Variants in TSBP1 observed in about 807,000 individuals in gnomAD.
The protein encoded by TSBP1 is testis expressed basic protein 1.
A neutral mutation model predicts 68.8 loss-of-function variants in TSBP1; 56 were observed. The observed-to-expected ratio is 0.81, with a 90% confidence interval of 0.66 to 1.02. The LOEUF is 1.02. Among genes scored for constraint, TSBP1 ranks in the 50% least tolerant of loss-of-function variants. The pLI is 0.00. For missense variants in TSBP1, 502 were observed against 641.2 expected (o/e 0.78, Z 2.34); for synonymous variants, 171 against 208.7 (o/e 0.82, Z 1.56).
chr6:32,360,396 G>A (rs1478282927), intron 6 of TSBP1, among the ~76,000 whole-genome samples: 1 of 151,846 alleles, frequency 6.6e-6, no homozygotes, highest in Non-Finnish European at 1.5e-5. Flanking sequence ...GTGTGTGTGT[G>A]TGTGTATGTG....
rs1183371755 is a variant in TSBP1, at chr6:32,361,776, A to T, written c.217+4391T>A. 1.3e-5 allele frequency among the ~76,000 whole-genome samples: 2 copies of T among 151,994 alleles called. No individual in the cohort carries two copies. Among genetic ancestry groups the T allele is most frequent in the East Asian group, 3.9e-4 (2 of 5,178 alleles). ...TTGTTTCAGCTGTATTTTGAGTTGT[A>T]TCTTGCTTTTGAGTTGTATGAGTTC... On this transcript the variant is annotated intron_variant, in intron 6 of 22. Coordinates refer to ENST00000612031, the Ensembl canonical transcript of TSBP1. The surrounding 1 kb of genome is among the most constrained non-coding windows in gnomAD (Gnocchi z 4.3).
At chr6:32,305,038 C>G (rs148236499) in intron 19 of TSBP1, among the ~76,000 whole-genome samples, 6 of 152,186 alleles carry the variant, frequency 3.9e-5, no homozygotes, top group Admixed American at 2.0e-4. Context: ...ACTGTTTCAG[C>G]ACTGACTGAG....
intron 2 of TSBP1, among the ~76,000 whole-genome samples, chr6:32,369,373 A>ATTTTTGTTTTTTTTTTTTTTT (rs1774130609): frequency 7.9e-6 from 1 of 127,018 alleles, no homozygotes; most frequent in Non-Finnish European, 1.6e-5. Context: ...AAACTCTGTG[A>ATTTTTGTTTTTTTTTTTTTTT]TTTTTTTTTT....
rs1181638933 is a variant in TSBP1, at chr6:32,333,801, A to G, written c.472+1636T>C. On this transcript the variant is annotated intron_variant, in intron 14 of 22. Transcript: ENST00000612031. The surrounding 1 kb of genome is among the most constrained non-coding windows in gnomAD (Gnocchi z 4.2). ...TGGGCATTGCAGTTAATAATCCTTC[A>G]CTTCAGTGTCACTCAGAATGAGAAA... Among the ~76,000 whole-genome samples, 1 of 151,294 alleles carries G rather than the reference A, an allele frequency of 6.6e-6. No homozygotes were observed. The highest frequency in any genetic ancestry group is 1.9e-4 in the East Asian group (1 of 5,194).
At chr6:32,295,349 C>CAAAAAAAAAAAAAA (rs3038432) in intron 22 of TSBP1, among the ~76,000 whole-genome samples, 1 of 90,842 alleles carries the variant, frequency 1.1e-5, no homozygotes, top group Non-Finnish European at 2.4e-5. Context: ...CACACACACA[C>CAAAAAAAAAAAAAA]AAAAAAAAAA....
intron 16 of TSBP1, among the ~76,000 whole-genome samples, chr6:32,324,847 T>C (rs1003420108): frequency 1.3e-5 from 2 of 152,032 alleles, no homozygotes; most frequent in African/African-American, 4.8e-5. Flanking sequence ...GGTTGAATTC[T>C]GGATAATGGA....
rs1764284479 is a variant in TSBP1 at position 32,292,812 on chromosome 6, G to T, written c.*169C>A. The T allele has an allele frequency of 1.8e-6, 1 of 555,496 alleles. No homozygotes were observed. Among genetic ancestry groups the T allele is most frequent in the Non-Finnish European group, 3.1e-6 (1 of 319,070 alleles). 34.4% of individuals were successfully genotyped at this position (555,496 alleles called of 1,614,324 possible). On this transcript the variant is annotated 3_prime_UTR_variant, in exon 23 of 23. Transcript: ENST00000612031. This position sits in a 1 kb window ranked among gnomAD's most constrained non-coding sequence, Gnocchi z 4.1. Reference sequence around the variant, plus strand: ...AAATATTTGGAAACTGAGGTTTGTGGCTGAGAGATTAAAAAGGGTGAAACT... The same window carrying T: ...AAATATTTGGAAACTGAGGTTTGTGTCTGAGAGATTAAAAAGGGTGAAACT...
chr6:32,315,723 A>T lies in TSBP1; in HGVS notation c.580+49T>A. 1 of 1,282,282 alleles carries T rather than the reference A, an allele frequency of 7.8e-7. No individual in the cohort carries two copies. The highest frequency in any genetic ancestry group is 1.1e-6 in the Non-Finnish European group (1 of 932,876). The allele number at this position is 1,282,282 out of a possible 1,614,324, so 79.4% of individuals were successfully genotyped here. A position where few individuals can be genotyped will look rare whatever the true frequency, so the allele number is the denominator to read the frequency against. On this transcript the variant is annotated intron_variant, in intron 19 of 22. Transcript: ENST00000612031. The surrounding 1 kb of genome is among the most constrained non-coding windows in gnomAD (Gnocchi z 5.4). ...CTTTTGGATACTTAGAAGTGGAAAC[A>T]TCTAACATAAATCTCCACATATGAC...
chr6:32,371,633 T>TA, intron 1 of TSBP1, 61 bp downstream of exon 1: 1 of 1,235,680 alleles, frequency 8.1e-7, no homozygotes, highest in Non-Finnish European at 1.2e-6. Flanking sequence ...CCTAAGTCCC[T>TA]AAGAGGAGAC....
intron 6 of TSBP1, among the ~76,000 whole-genome samples, chr6:32,363,434 T>C (rs1773291946): frequency 1.3e-5 from 2 of 151,918 alleles, no homozygotes; most frequent in Non-Finnish European, 2.9e-5. Flanking sequence ...GGCTGTTTTG[T>C]ATATCCTTTC....
intron 16 of TSBP1, among the ~76,000 whole-genome samples, chr6:32,328,907 A>ATT (rs1191982310): frequency 6.6e-6 from 1 of 152,160 alleles, no homozygotes; most frequent in Non-Finnish European, 1.5e-5. Flanking sequence ...AATTAATTAT[A>ATT]TTTAAGAGGT....
chr6:32,330,781 G>A (rs144582173), intron 15 of TSBP1, among the ~76,000 whole-genome samples, 172 bp from the exon 17 acceptor site: 6 of 151,884 alleles, frequency 4.0e-5, no homozygotes, highest in Non-Finnish European at 7.4e-5. Context: ...AGGGATTCTC[G>A]TGCCTCAGCC....
At chr6:32,326,070 C>CTG (rs1415392204) in intron 16 of TSBP1, 1 of 1,444,198 alleles carries the variant, frequency 6.9e-7, no homozygotes, top group Non-Finnish European at 9.6e-7. Flanking sequence ...GAGGCAGAAG[C>CTG]TGTGGCCTCT....
chr6:32,359,897 C>G (rs1220186798), intron 6 of TSBP1, among the ~76,000 whole-genome samples: 1 of 151,728 alleles, frequency 6.6e-6, no homozygotes, highest in African/African-American at 2.4e-5. Flanking sequence ...TTTTCTTTAG[C>G]TTTATTGAGG....
At position 32,352,544 on chromosome 6, in the gene TSBP1, A is replaced by T. The variant is rs1365826306; in HGVS notation, c.259+2580T>A. Among the ~76,000 whole-genome samples the T allele has an allele frequency of 2.0e-5, 3 of 151,940 alleles. No homozygotes were observed. In the East Asian group the frequency reaches 5.8e-4, roughly 29 times the overall value. ...TACTGTAAGTTGAAAACACAATATA[A>T]ATTGGAAACATTTAGATAAACATAT... On this transcript the variant is annotated intron_variant, in intron 8 of 22. Transcript: ENST00000612031.
chr6:32,347,100 A>G (rs3117130), intron 9 of TSBP1, among the ~76,000 whole-genome samples: 63,410 of 151,766 alleles, frequency 0.42, 14,119 homozygotes, highest in African/African-American at 0.54. Context: ...CCATAAATAT[A>G]TACAATTTTG....
At chr6:32,349,815 T>C in exon 9 of TSBP1, 3 of 1,597,668 alleles carry the variant, frequency 1.9e-6, no homozygotes, top group Non-Finnish European at 2.6e-6. Flanking sequence ...AGGGAGAACT[T>C]AGATGCCATA....
rs1448700908 is a variant in TSBP1 at position 32,339,012 on chromosome 6, C to T, written c.389-13G>A. 1.2e-6 allele frequency: 2 copies of T among 1,610,372 alleles called. No homozygotes were observed. The highest frequency in any genetic ancestry group is 1.7e-5 in the Admixed American group (1 of 59,960). On this transcript the variant is annotated splice_polypyrimidine_tract_variant and intron_variant, in intron 10 of 22. Coordinates refer to ENST00000612031, the Ensembl canonical transcript of TSBP1. Reference sequence around the variant, plus strand: ...CCTGCAGTTCTGGCTAAAATACAAACAAAAAAGGTGAGTTTGAAGAGAGCA... The same window carrying T: ...CCTGCAGTTCTGGCTAAAATACAAATAAAAAAGGTGAGTTTGAAGAGAGCA...
chr6:32,293,448 G>C (rs1215628089), exon 23 of TSBP1: 2 of 1,611,778 alleles, frequency 1.2e-6, no homozygotes, highest in African/African-American at 2.7e-5. Flanking sequence ...TGGGCTTCCT[G>C]TCCTTTCAGT....
Sources: gnomAD v4.1 joint callset for allele counts (sites outside exome capture counted in the v4.1 genomes callset) on GRCh38, gnomAD v4.1.1 for gene constraint, Gnocchi (gnomAD v3.1) non-coding constraint, MANE v1.5 for transcripts, NCBI Gene and HGNC (gene_info 2026-07-23, HGNC 2026-07-21) for gene names.